Variants in DCHS2 observed in about 807,000 individuals in gnomAD.
DCHS2 encodes the protein protocadherin-23.
A neutral mutation model predicts 182.4 loss-of-function variants in DCHS2; 142 were observed. The observed-to-expected ratio is 0.78, with a 90% CI of 0.68 to 0.89. The LOEUF (loss-of-function observed/expected upper bound fraction) is 0.89. Ranked by LOEUF, DCHS2 falls within the 40% of genes least tolerant of loss-of-function variation. The pLI is 0.00. For missense variants in DCHS2, 4,319 were observed against 4,198.6 expected (o/e 1.03, Z -0.79); for synonymous variants, 1,740 against 1,663.3 (o/e 1.05, Z -1.12).
chr4:154,250,974 C>CCAAA (rs1732323164), intron 16 of DCHS2, among the ~76,000 whole-genome samples: 1 of 152,230 alleles, frequency 6.6e-6, no homozygotes, highest in South Asian at 2.1e-4. Context: ...CTTGCTACTT[C>CCAAA]CAAACATACC....
intron 2 of DCHS2, among the ~76,000 whole-genome samples, chr4:154,376,035 G>C (rs1348346282): frequency 6.6e-6 from 1 of 152,054 alleles, no homozygotes; most frequent in African/African-American, 2.4e-5. Context: ...CTAATGCTTG[G>C]TGTTAGAAGT....
chr4:154,401,613 T>C (rs1732186616), intron 1 of DCHS2, among the ~76,000 whole-genome samples: 1 of 152,264 alleles, frequency 6.6e-6, no homozygotes, highest in African/African-American at 2.4e-5. Context: ...AGTTCAATTT[T>C]AGCAGTCTTC....
chr4:154,322,643 C>T (rs1248777089), intron 7 of DCHS2, 155 bp from the exon 8 acceptor site: 2 of 1,072,412 alleles, frequency 1.9e-6, no homozygotes, highest in Non-Finnish European at 2.5e-6. Flanking sequence ...AGACAAGAAA[C>T]ATCACTTTTT....
chr4:154,236,259 G>C lies in DCHS2; in HGVS notation c.8393C>G (p.Ala2798Gly). ...ATAGGTCAATTCTCCATACGGACCA[G>C]CATCAAAATCCAGAGCATTTATAGA... Reference protein sequence around the residue: ...ICSINALDFDAGPYGELTYSI... With the variant: ...ICSINALDFDGGPYGELTYSI... The change falls in exon 20 of 20, where the codon GCT becomes GGT. Residue 2798 changes from alanine to glycine, a missense_variant. Physicochemically the swap from Ala to Gly is moderately conservative, Grantham distance 60. Coordinates refer to ENST00000357232, the MANE Select transcript of DCHS2 (RefSeq NM_001358235.2). 1 of 1,613,988 alleles carries C rather than the reference G, an allele frequency of 6.2e-7. No homozygotes were observed. The highest frequency in any genetic ancestry group is 8.5e-7 in the Non-Finnish European group (1 of 1,179,944).
chr4:154,430,445 T>A (rs1017713902), intron 1 of DCHS2, among the ~76,000 whole-genome samples: 1 of 152,182 alleles, frequency 6.6e-6, no homozygotes, highest in Non-Finnish European at 1.5e-5. Flanking sequence ...CTAGGGATTC[T>A]AGTCAGGCAT....
intron 9 of DCHS2, among the ~76,000 whole-genome samples, chr4:154,317,776 A>C (rs540454453): frequency 6.6e-6 from 1 of 152,330 alleles, no homozygotes; most frequent in South Asian, 2.1e-4. Flanking sequence ...GTTATCTAGC[A>C]ACATGGTGAC....
chr4:154,293,469 A>T (rs1734764186), intron 13 of DCHS2, among the ~76,000 whole-genome samples: 3 of 152,160 alleles, frequency 2.0e-5, no homozygotes, highest in South Asian at 4.1e-4. Context: ...GGCGTGAACC[A>T]CTGCGCCCGG....
intron 1 of DCHS2, among the ~76,000 whole-genome samples, chr4:154,448,432 T>A (rs1275255683): frequency 2.0e-5 from 3 of 152,046 alleles, no homozygotes; most frequent in African/African-American, 7.2e-5. Context: ...ACTCTCAATA[T>A]CCAACCCCTT....
intron 3 of DCHS2, among the ~76,000 whole-genome samples, chr4:154,336,525 T>C (rs1169552628): frequency 6.6e-6 from 1 of 152,198 alleles, no homozygotes; most frequent in Non-Finnish European, 1.5e-5. Context: ...TAGGAGAAGT[T>C]GGCAAAAACA....
chr4:154,323,119 T>G, intron 7 of DCHS2: 1 of 1,393,876 alleles, frequency 7.2e-7, no homozygotes, highest in East Asian at 2.5e-5. Flanking sequence ...CTGGAACTTG[T>G]ATCCTGACAT....
In DCHS2 at chr4:154,490,217, T is replaced by C. The variant is rs1323037448; in HGVS notation, c.1139A>G (p.Gln380Arg). ...TCCATCGCGGGCCTCCACCACCAAC[T>C]GGTGCCAGGCCTGTGCCTCGCGGTC... ...PLDREAQAWH[Q>R]LVVEARDGGA... is the part of the protein sequence containing the mutation. Residue 380 changes from glutamine (Q) to arginine (R), a missense_variant, in exon 1 of 20, where the codon CAG (glutamine) becomes CGG (arginine). Gln to Arg is a conservative substitution (Grantham distance 43). Transcript: ENST00000357232. 1 of 1,549,612 alleles carries C rather than the reference T, an allele frequency of 6.5e-7. No homozygotes were observed.
At chr4:154,344,574 A>G (rs1220483702) in intron 3 of DCHS2, among the ~76,000 whole-genome samples, 1 of 152,246 alleles carries the variant, frequency 6.6e-6, no homozygotes, top group East Asian at 1.9e-4. Context: ...TTACACAAGT[A>G]TGGGAAAGCC....
At chr4:154,474,176 T>G (rs996960486) in intron 1 of DCHS2, among the ~76,000 whole-genome samples, 1 of 152,178 alleles carries the variant, frequency 6.6e-6, no homozygotes, top group Non-Finnish European at 1.5e-5. Flanking sequence ...TCCCTTTCCC[T>G]TGTCTCATGA....
In DCHS2 at chr4:154,320,518, A is replaced by G. The variant is rs1402476173; in HGVS notation, c.4881T>C (p.His1627=). The stretch of plus-strand genomic sequence containing the variant: ...AGCCCACTGTGACATCCTCTTTGAC[A>G]TGGGCATTGGGGAAAGAAATAAAAG... ...NPTFISFPNA[H]VKEDVTVGSL... Residue 1627 remains histidine, a synonymous_variant, in exon 9 of 20, where the codon CAT becomes CAC. Coordinates refer to ENST00000357232, the MANE Select transcript of DCHS2 (RefSeq NM_001358235.2). 2.5e-6 allele frequency: 4 copies of G among 1,613,932 alleles called. No homozygotes were observed. The highest frequency in any genetic ancestry group is 1.1e-5 in the South Asian group (1 of 91,076).
intron 13 of DCHS2, among the ~76,000 whole-genome samples, chr4:154,297,010 T>C (rs1490651): frequency 0.99 from 151,094 of 152,340 alleles, 74,939 homozygotes; most frequent in Middle Eastern, 1. Context: ...AAGCAAAAAA[T>C]GAACAAACGA....
chr4:154,331,477 G>A (rs919767974), intron 5 of DCHS2: 2 of 1,291,348 alleles, frequency 1.5e-6, no homozygotes, highest in Non-Finnish European at 2.1e-6. Context: ...TGCCCTTGCA[G>A]CAGGAGTCTC....
rs1561077237 is a variant in DCHS2, at chr4:154,377,319, A to G, written c.2178T>C (p.Val726=). ...RIDPHDGQIC[V]SQDIDRERDP... ...CCCTTTCCCTGTCGATATCTTGAGA[A>G]ACACAGATTTGCCCATCATGAGGGT... The change falls in exon 2 of 20, where the codon GTT becomes GTC. Residue 726 remains valine, a synonymous_variant. Transcript: ENST00000357232. 1.2e-6 allele frequency: 2 copies of G among 1,613,724 alleles called. No individual in the cohort carries two copies. The highest frequency in any genetic ancestry group is 1.7e-5 in the Admixed American group (1 of 59,984).
intron 7 of DCHS2, among the ~76,000 whole-genome samples, chr4:154,325,316 C>CAT (rs555546818): frequency 0.06 from 8,603 of 142,662 alleles, 344 homozygotes; most frequent in African/African-American, 0.1. Context: ...GGATTATAGC[C>CAT]GTGTGTGTGT....
chr4:154,282,007 ATACAATC>A (rs1330337753), intron 13 of DCHS2, among the ~76,000 whole-genome samples: 4 of 152,152 alleles, frequency 2.6e-5, no homozygotes, highest in African/African-American at 4.8e-5. Context: ...CCCTTTTCTT[ATACAATC>A]TACAAAGATC....
Sources: gnomAD v4.1 joint callset for allele counts (sites outside exome capture counted in the v4.1 genomes callset) on GRCh38, gnomAD v4.1.1 for gene constraint, MANE v1.5 for transcripts, NCBI Gene and HGNC (gene_info 2026-07-23, HGNC 2026-07-21) for gene names.